The following ZCCHC17 variants were observed in gnomAD, a reference collection of about 807,000 sequenced individuals.
ZCCHC17 encodes zinc finger CCHC domain-containing protein 17.
In ZCCHC17, 18 loss-of-function variants were observed where a neutral mutation model predicts 30.6. The ratio of observed to expected loss-of-function variants is 0.59; its 90% CI spans 0.41 to 0.87. The LOEUF is 0.87. ZCCHC17 is among the 40% of genes least tolerant of loss of function. ZCCHC17 has a pLI of 0.00. For missense variants in ZCCHC17, 263 were observed against 284.2 expected, an observed-to-expected ratio of 0.93 and a Z score of 0.54; for synonymous variants, 88 against 92.4, an observed-to-expected ratio of 0.95 and a Z score of 0.27.
chr1:31,345,683 G>T (rs1322425157), intron 5 of ZCCHC17, among the ~76,000 whole-genome samples: 1 of 143,558 alleles, frequency 7.0e-6, no homozygotes, highest in Non-Finnish European at 1.5e-5. Context: ...AGGAGGCATG[G>T]CTGGGGAGGC....
At chr1:31,310,614 A>G (rs1319499694) in intron 2 of ZCCHC17, among the ~76,000 whole-genome samples, 3 of 152,200 alleles carry the variant, frequency 2.0e-5, no homozygotes, top group African/African-American at 4.8e-5. Context: ...ACCTTCCACC[A>G]TGGGATGACA....
chr1:31,354,714 T>C (rs1639582246), intron 7 of ZCCHC17, among the ~76,000 whole-genome samples: 1 of 152,186 alleles, frequency 6.6e-6, no homozygotes, highest in Admixed American at 6.5e-5. Context: ...CTTTGAGATA[T>C]GTATTTCAGT....
At chr1:31,313,813 A>G (rs1646662626) in intron 2 of ZCCHC17, among the ~76,000 whole-genome samples, 1 of 152,074 alleles carries the variant, frequency 6.6e-6, no homozygotes, top group East Asian at 1.9e-4. Flanking sequence ...TCGGATTTCT[A>G]AAGTGGATCC....
At chr1:31,333,910 A>G (rs183653496) in intron 3 of ZCCHC17, among the ~76,000 whole-genome samples, 7 of 152,348 alleles carry the variant, frequency 4.6e-5, no homozygotes, top group Admixed American at 4.6e-4. Flanking sequence ...AATAGAGGAA[A>G]GAGATGAATT....
chr1:31,322,638 G>C (rs1356479959), intron 3 of ZCCHC17, among the ~76,000 whole-genome samples: 1 of 152,068 alleles, frequency 6.6e-6, no homozygotes, highest in African/African-American at 2.4e-5. Context: ...TATAGACATG[G>C]TTGATTAAAT....
At chr1:31,340,421 G>A (rs1639005339) in intron 5 of ZCCHC17, among the ~76,000 whole-genome samples, 2 of 147,526 alleles carry the variant, frequency 1.4e-5, no homozygotes, top group African/African-American at 4.9e-5. Flanking sequence ...AGGTTCAAGT[G>A]ATTCTCCTGC....
chr1:31,303,855 C>G (rs1425458197), intron 1 of ZCCHC17, among the ~76,000 whole-genome samples: 1 of 152,200 alleles, frequency 6.6e-6, no homozygotes, highest in Non-Finnish European at 1.5e-5. Flanking sequence ...GATCCTCAGG[C>G]CCCACCTCTT....
intron 3 of ZCCHC17, among the ~76,000 whole-genome samples, chr1:31,329,582 TAC>T (rs1338188525): frequency 6.6e-6 from 1 of 152,214 alleles, no homozygotes; most frequent in Non-Finnish European, 1.5e-5. Context: ...TCAGATTGCT[TAC>T]AGTCTAGTGA....
At chr1:31,305,828 G>GA (rs1569740343) in intron 1 of ZCCHC17, among the ~76,000 whole-genome samples, 1 of 151,824 alleles carries the variant, frequency 6.6e-6, no homozygotes, top group African/African-American at 2.4e-5. Flanking sequence ...TACAGAATTT[G>GA]AAAAAAAGTT....
chr1:31,324,137 AG>A (rs1197751538), intron 3 of ZCCHC17, among the ~76,000 whole-genome samples: 1 of 152,212 alleles, frequency 6.6e-6, no homozygotes, highest in Non-Finnish European at 1.5e-5. Flanking sequence ...TGAGAGGAAA[AG>A]AAAGTGCATC....
chr1:31,335,777 G>A (rs538501851), intron 3 of ZCCHC17, among the ~76,000 whole-genome samples: 16 of 152,216 alleles, frequency 1.1e-4, no homozygotes, highest in African/African-American at 3.6e-4. Context: ...CTTAGTAATA[G>A]TTCTTATTTT....
intron 5 of ZCCHC17, among the ~76,000 whole-genome samples, chr1:31,343,136 C>T (rs1377483660): frequency 6.6e-6 from 1 of 152,094 alleles, no homozygotes; most frequent in Non-Finnish European, 1.5e-5. Flanking sequence ...AGTACAGTGG[C>T]ATGATCTCTG....
At chr1:31,316,111 A>G (rs1646725234) in intron 2 of ZCCHC17, among the ~76,000 whole-genome samples, 1 of 152,052 alleles carries the variant, frequency 6.6e-6, no homozygotes, top group Non-Finnish European at 1.5e-5. Context: ...TCACTTATTT[A>G]TTTATTTATT....
chr1:31,319,021 A>G, intron 2 of ZCCHC17, 88 bp from the exon 3 acceptor site: 2 of 1,428,588 alleles, frequency 1.4e-6, no homozygotes, highest in Admixed American at 2.0e-5. Flanking sequence ...AGTCAATATG[A>G]AGTACAGATT....
In ZCCHC17 at chr1:31,364,040, G is replaced by T. The variant is rs1640034920; in HGVS notation, c.573G>T (p.Lys191Asn). 5.0e-6 allele frequency: 8 copies of T among 1,606,838 alleles called. No individual in the cohort carries two copies. Among genetic ancestry groups the T allele is most frequent in the Non-Finnish European group, 6.8e-6 (8 of 1,178,196 alleles). The part of the protein sequence containing the change: ...NPSRKRKKEK[K>N]KKKHRDRKSS... ...TAAAATTTTCTTTTCAGGAGAAGAA[G>T]AAAAAGAAACATAGAGATAGGAAGT... is the stretch of plus-strand genomic sequence containing the variant. Residue 191 changes from lysine to asparagine, a missense_variant, in exon 8 of 8, where the codon AAG becomes AAT. Coordinates refer to ENST00000344147, the MANE Select transcript of ZCCHC17 (RefSeq NM_016505.4).
chr1:31,318,841 A>C (rs1646794718), intron 2 of ZCCHC17, among the ~76,000 whole-genome samples: 1 of 152,166 alleles, frequency 6.6e-6, no homozygotes, highest in Non-Finnish European at 1.5e-5. Flanking sequence ...TGATTTTACT[A>C]GGTATAGGAT....
At chr1:31,345,300 G>A (rs993496211) in intron 5 of ZCCHC17, among the ~76,000 whole-genome samples, 2 of 151,318 alleles carry the variant, frequency 1.3e-5, no homozygotes, top group African/African-American at 4.9e-5. Flanking sequence ...GGGACTACAG[G>A]CGCCCGCCAC....
At chr1:31,340,667 T>G (rs1054064133) in intron 5 of ZCCHC17, among the ~76,000 whole-genome samples, 7 of 152,200 alleles carry the variant, frequency 4.6e-5, no homozygotes, top group Non-Finnish European at 1.0e-4. Context: ...CATCCAAAAT[T>G]CTATGTGTGT....
chr1:31,338,020 A>T (rs1411885585), intron 4 of ZCCHC17, among the ~76,000 whole-genome samples: 1 of 151,802 alleles, frequency 6.6e-6, no homozygotes, highest in Non-Finnish European at 1.5e-5. Flanking sequence ...CCCAGGCTGG[A>T]GTACAGTGGT....
Sources: gnomAD v4.1 joint callset for allele counts (sites outside exome capture counted in the v4.1 genomes callset) on GRCh38, gnomAD v4.1.1 for gene constraint, MANE v1.5 for transcripts, NCBI Gene and HGNC (gene_info 2026-07-23, HGNC 2026-07-21) for gene names.